Variants in AFF3 observed in about 807,000 individuals in gnomAD.
AFF3 encodes the protein AF4/FMR2 family member 3.
AFF3 carries 32 observed loss-of-function variants against 129.7 expected under a neutral mutation model. That is an observed-to-expected ratio of 0.25 (90% CI 0.19 to 0.33). The LOEUF is 0.33. AFF3 is among the 10% of genes least tolerant of loss of function. The pLI is 1.00. For missense variants in AFF3, 1,373 were observed against 1,592.0 expected (o/e 0.86, Z 2.34); for synonymous variants, 644 against 635.4 (o/e 1.01, Z -0.20).
intron 12 of AFF3, among the ~76,000 whole-genome samples, chr2:99,650,019 T>C (rs1264767522): frequency 6.6e-6 from 1 of 152,224 alleles, no homozygotes; most frequent in Non-Finnish European, 1.5e-5. Flanking sequence ...TATTGTCCTT[T>C]CCTATAAGAA....
intron 11 of AFF3, among the ~76,000 whole-genome samples, chr2:99,726,532 A>G (rs1204680404): frequency 6.6e-6 from 1 of 152,248 alleles, no homozygotes; most frequent in Non-Finnish European, 1.5e-5. Context: ...GGATTCCTTG[A>G]ATATTGAGAA....
intron 8 of AFF3, among the ~76,000 whole-genome samples, chr2:99,759,665 G>C (rs895789208): frequency 2.6e-5 from 4 of 152,126 alleles, no homozygotes; most frequent in Admixed American, 6.5e-5. Context: ...AGGTCTGTAA[G>C]AATTTCCAAA....
intron 4 of AFF3, among the ~76,000 whole-genome samples, chr2:100,066,192 T>G (rs1559100635): frequency 6.6e-6 from 1 of 152,206 alleles, no homozygotes; most frequent in Non-Finnish European, 1.5e-5. Context: ...TACAAATAAA[T>G]TAAAAAGCCA....
chr2:99,601,592 G>A lies in AFF3; in HGVS notation c.1214C>T (p.Thr405Ile). The A allele has an allele frequency of 6.3e-7, 1 of 1,598,506 alleles. No individual in the cohort carries two copies. Among genetic ancestry groups the A allele is most frequent in the Non-Finnish European group, 8.5e-7 (1 of 1,177,164 alleles). Reference protein sequence around the residue: ...SAVVQQPNCRTSVPSSKGSSS... With the variant: ...SAVVQQPNCRISVPSSKGSSS... ...GCTGCCCTTGCTGGAAGGCACCGAG[G>A]TTCTGCAGTTGGGCTGCTGGACCAC... The change falls in exon 14 of 25, where the codon ACC becomes ATC. Residue 405 changes from threonine to isoleucine, a missense_variant. Transcript: ENST00000672756.
intron 9 of AFF3, among the ~76,000 whole-genome samples, chr2:99,746,358 G>A (rs1681156849): frequency 6.6e-6 from 1 of 152,094 alleles, no homozygotes; most frequent in Non-Finnish European, 1.5e-5. Flanking sequence ...GATGTGACTT[G>A]TGTTATATTC....
chr2:99,739,409 T>A (rs1490731389), intron 10 of AFF3, among the ~76,000 whole-genome samples: 1 of 152,176 alleles, frequency 6.6e-6, no homozygotes, highest in Non-Finnish European at 1.5e-5. Context: ...TTATTTCCAT[T>A]TCTACAGCTT....
chr2:99,832,962 A>G (rs1688612559), intron 8 of AFF3, among the ~76,000 whole-genome samples: 1 of 152,234 alleles, frequency 6.6e-6, no homozygotes, highest in Admixed American at 6.5e-5. Flanking sequence ...CTAGAAAAAA[A>G]AGCCTGCCTG....
intron 4 of AFF3, among the ~76,000 whole-genome samples, chr2:100,052,721 A>G (rs1396931953): frequency 6.6e-6 from 1 of 152,138 alleles, no homozygotes; most frequent in African/African-American, 2.4e-5. Flanking sequence ...AAGCCTAAAA[A>G]TAATGTATCT....
intron 2 of AFF3, among the ~76,000 whole-genome samples, chr2:100,121,753 G>A (rs1306304049): frequency 6.6e-6 from 1 of 152,070 alleles, no homozygotes; most frequent in Non-Finnish European, 1.5e-5. Flanking sequence ...GGAGGAGGAG[G>A]TGTCAGTCAA....
At position 100,006,949 on chromosome 2, in the gene AFF3, C is replaced by T; in HGVS notation, c.556G>A (p.Val186Met). The T allele has an allele frequency of 6.2e-7, 1 of 1,614,134 alleles. No individual in the cohort carries two copies. The highest frequency in any genetic ancestry group is 8.5e-7 in the Non-Finnish European group (1 of 1,180,024). The change falls in exon 7 of 25, where the codon GTG becomes ATG. Residue 186 changes from valine (V) to methionine (M), a missense_variant. Val to Met is a conservative substitution (Grantham distance 21, BLOSUM62 1). This residue lies in a region of AFF3 where 255 missense variants were observed against 256.0 expected (regional missense o/e 1.00). Transcript: ENST00000672756. ...VGRQQPRAKQ[V>M]CNVEVGLQTQ... ...TGAAGGCCCACCTCCACATTGCACA[C>T]TTGTTTGGCCCGAGGCTGCTGTCTG...
intron 4 of AFF3, among the ~76,000 whole-genome samples, chr2:100,070,654 A>G (rs1429161798): frequency 6.6e-6 from 1 of 152,180 alleles, no homozygotes; most frequent in Non-Finnish European, 1.5e-5. Context: ...TTAACAGTAC[A>G]TGATAATTTT....
intron 16 of AFF3, among the ~76,000 whole-genome samples, chr2:99,585,406 C>G (rs146259568): frequency 9.2e-5 from 14 of 152,262 alleles, no homozygotes; most frequent in African/African-American, 2.6e-4. Flanking sequence ...TAGTAGTAAT[C>G]ACAATTCCAG....
chr2:99,724,245 C>T (rs1266832341), intron 11 of AFF3, among the ~76,000 whole-genome samples: 1 of 136,092 alleles, frequency 7.3e-6, no homozygotes, highest in East Asian at 2.3e-4. Context: ...TATGCTCTAA[C>T]TCCTCACTTC....
Position 99,658,934 on chromosome 2 carries a change from C to T in AFF3, c.1144-9268G>A, listed in dbSNP as rs1575619348. ...AGTGAAGGGGAATAATAGGAGTCAC[C>T]TCTTAGACAAGTGTTGGCAAAGGAG... is the stretch of plus-strand genomic sequence containing the variant. On this transcript the variant is annotated intron_variant, in intron 12 of 24. Coordinates refer to ENST00000672756, the MANE Select transcript of AFF3 (RefSeq NM_001386135.1). Among the ~76,000 whole-genome samples, 4 of 152,308 alleles carry T rather than the reference C, an allele frequency of 2.6e-5. No individual in the cohort carries two copies. In the East Asian group the frequency reaches 7.7e-4, roughly 29 times the overall value.
chr2:99,895,861 G>A (rs948998083), intron 7 of AFF3, among the ~76,000 whole-genome samples: 1 of 152,052 alleles, frequency 6.6e-6, no homozygotes. Flanking sequence ...CTGAGGTCAG[G>A]AGTTCGAGAC....
At chr2:99,979,144 T>C (rs1346725375) in intron 7 of AFF3, among the ~76,000 whole-genome samples, 2 of 152,160 alleles carry the variant, frequency 1.3e-5, no homozygotes, top group South Asian at 4.1e-4. Flanking sequence ...CCTCAAAAGA[T>C]GAGGACCGGG....
At chr2:99,945,343 T>C (rs1033312208) in intron 7 of AFF3, among the ~76,000 whole-genome samples, 40 of 152,226 alleles carry the variant, frequency 2.6e-4, no homozygotes, top group Non-Finnish European at 4.1e-4. Context: ...TGAAGACTCA[T>C]GGCAAATATG....
rs1674214213 is a variant in AFF3 at position 99,548,882 on chromosome 2, T to C, written c.*2592A>G. The C allele has an allele frequency of 4.3e-6, 1 of 232,784 alleles. No individual in the cohort carries two copies. The highest frequency in any genetic ancestry group is 6.1e-5 in the East Asian group (1 of 16,522). 14.4% of individuals were successfully genotyped at this position (232,784 alleles called of 1,614,324 possible). On this transcript the variant is annotated 3_prime_UTR_variant, in exon 25 of 25. Coordinates refer to ENST00000672756, the MANE Select transcript of AFF3 (RefSeq NM_001386135.1). Reference sequence around the variant, plus strand: ...ATGCCAAACCCCACAGAAACTGCTGTACCAACGTGCTCCACACGTGCTCCA... The same window carrying C: ...ATGCCAAACCCCACAGAAACTGCTGCACCAACGTGCTCCACACGTGCTCCA...
At chr2:99,884,984 A>G (rs1692998500) in intron 7 of AFF3, among the ~76,000 whole-genome samples, 1 of 152,108 alleles carries the variant, frequency 6.6e-6, no homozygotes, top group Admixed American at 6.5e-5. Flanking sequence ...CCAACTGCCC[A>G]CCGCTTCCAA....
Sources: allele counts gnomAD v4.1 joint callset (sites outside exome capture counted in the v4.1 genomes callset), GRCh38; gene constraint gnomAD v4.1.1; regional missense constraint gnomAD v4.1.1; transcripts MANE v1.5; gene names NCBI Gene and HGNC (gene_info 2026-07-23, HGNC 2026-07-21).